Variants in ATAD3C observed in about 807,000 individuals in gnomAD.
ATAD3C encodes ATPase family AAA domain containing 3C.
In ATAD3C, 38 loss-of-function variants were observed where a neutral mutation model predicts 46.3. The ratio of observed to expected loss-of-function variants is 0.82; its 90% CI spans 0.63 to 1.08. The LOEUF (loss-of-function observed/expected upper bound fraction) is 1.08. ATAD3C is among the 50% of genes least tolerant of loss of function. The probability of loss-of-function intolerance (pLI) is 0.00; values close to 1 mark genes in which losing one functional copy is unlikely to be tolerated. For synonymous variants in ATAD3C, 220 were observed against 236.4 expected (o/e 0.93, Z 0.63); for missense variants, 563 against 572.7 (o/e 0.98, Z 0.17).
chr1:1,461,847 G>A (rs905439267), intron 10 of ATAD3C, among the ~76,000 whole-genome samples: 5 of 152,230 alleles, frequency 3.3e-5, no homozygotes, highest in East Asian at 1.9e-4. Flanking sequence ...CTGGAGCCTC[G>A]TGGTGTGGGG....
chr1:1,460,697 G>A, intron 9 of ATAD3C, 53 bp from the exon 10 acceptor site: 3 of 1,536,110 alleles, frequency 2.0e-6, no homozygotes, highest in Non-Finnish European at 2.6e-6. Context: ...TGTTCCCCTG[G>A]GGACAGCTCG....
At position 1,454,439 on chromosome 1, in the gene ATAD3C, C is replaced by T. The variant is rs768838472; in HGVS notation, c.317C>T (p.Pro106Leu). The T allele has an allele frequency of 3.5e-5, 56 of 1,609,278 alleles. 1 individual carries two copies. Among genetic ancestry groups the T allele is most frequent in the East Asian group, 4.5e-5 (2 of 44,760 alleles). The change falls in exon 4 of 12, where the codon CCG becomes CTG. Residue 106 changes from proline to leucine, a missense_variant. Coordinates refer to ENST00000378785, the MANE Select transcript of ATAD3C (RefSeq NM_001039211.3). ...TACATCGAGGCTCGGCTGGGGAAGC[C>T]GTCCCTAGTGAGGGAGACGTCCCGC... is the stretch of plus-strand genomic sequence containing the variant. ...GRYIEARLGKPSLVRETSRIT... is the reference protein window; with the variant it reads ...GRYIEARLGKLSLVRETSRIT...
intron 3 of ATAD3C, 72 bp from the exon 4 acceptor site, chr1:1,454,273 C>G: frequency 1.3e-6 from 2 of 1,519,114 alleles, no homozygotes. Flanking sequence ...GTGGGGGCAG[C>G]CCCGTGCGTC....
At position 1,450,889 on chromosome 1, in the gene ATAD3C, T is replaced by G. The variant is rs1638847714; in HGVS notation, c.75+131T>G. 2.9e-6 allele frequency: 4 copies of G among 1,401,330 alleles called. No individual in the cohort carries two copies. In the Admixed American group the frequency reaches 8.3e-5, roughly 29 times the overall value. The allele number at this position is 1,401,330 out of a possible 1,614,324, so 86.8% of individuals were successfully genotyped here. On this transcript the variant is annotated intron_variant, in intron 1 of 11. Coordinates refer to ENST00000378785, the MANE Select transcript of ATAD3C (RefSeq NM_001039211.3). ...GCAGCAGTGGGGCCCAGGGCCAAGC[T>G]TGGGCGCCTCATTTCACAGAAGGAA... is the stretch of plus-strand genomic sequence containing the variant.
chr1:1,468,349 TGGC>T (rs1639178376), intron 11 of ATAD3C, 32 bp from the exon 12 acceptor site: 1 of 1,577,284 alleles, frequency 6.3e-7, no homozygotes, highest in Non-Finnish European at 8.6e-7. Context: ...GGGGTTCCCA[TGGC>T]GGCCTCCCTC....
intron 9 of ATAD3C, 56 bp from the exon 10 acceptor site, chr1:1,460,694 C>T: frequency 6.5e-7 from 1 of 1,532,558 alleles, no homozygotes; most frequent in Non-Finnish European, 8.8e-7. Context: ...ACCTGTTCCC[C>T]TGGGGACAGC....
chr1:1,452,246 A>G, intron 2 of ATAD3C, 119 bp from the exon 3 acceptor site: 3 of 1,583,090 alleles, frequency 1.9e-6, no homozygotes, highest in South Asian at 1.1e-5. Context: ...TGGTGGGGAC[A>G]CTGCCCCCCT....
At position 1,468,244 on chromosome 1, in the gene ATAD3C, G is replaced by C. The variant is rs1166226865; in HGVS notation, c.1090-140G>C. The C allele has an allele frequency of 5.1e-6, 7 of 1,372,692 alleles. 1 individual carries two copies. The highest frequency in any genetic ancestry group is 6.0e-5 in the Admixed American group (2 of 33,582). The allele number at this position is 1,372,692 out of a possible 1,614,324, so 85.0% of individuals were successfully genotyped here. Reference sequence around the variant, plus strand: ...GTCCACACACGTGCTGGGCTCTGCCGAGGTGCGGGTAGCCTGTGTTTCACG... The same window carrying C: ...GTCCACACACGTGCTGGGCTCTGCCCAGGTGCGGGTAGCCTGTGTTTCACG... On this transcript the variant is annotated intron_variant, in intron 11 of 11. Coordinates refer to ENST00000378785, the MANE Select transcript of ATAD3C (RefSeq NM_001039211.3).
intron 11 of ATAD3C, among the ~76,000 whole-genome samples, chr1:1,463,005 C>T (rs1639093938): frequency 6.6e-6 from 1 of 152,110 alleles, no homozygotes; most frequent in Non-Finnish European, 1.5e-5. Context: ...TTCTGATGCT[C>T]ACCTTGGCAG....
Position 1,462,498 on chromosome 1 carries a change from G to A in ATAD3C, c.981-102G>A, listed in dbSNP as rs562106578. On this transcript the variant is annotated intron_variant, in intron 10 of 11. Coordinates refer to ENST00000378785, the MANE Select transcript of ATAD3C (RefSeq NM_001039211.3). The surrounding 1 kb of genome is among the most constrained non-coding windows in gnomAD (Gnocchi z 4.5). ...CAGGTAGAGAGTCCCTCTCAAGGGGGCATCTGGCATGGGTGTCCGCCTGGC... is the reference window on the plus strand; with the variant it reads ...CAGGTAGAGAGTCCCTCTCAAGGGGACATCTGGCATGGGTGTCCGCCTGGC... 96 of 1,189,280 alleles carry A rather than the reference G, an allele frequency of 8.1e-5. 1 individual carries two copies. In the South Asian group the frequency reaches 1.2e-3, roughly 15 times the overall value. 73.7% of individuals were successfully genotyped at this position (1,189,280 alleles called of 1,614,324 possible).
Position 1,459,324 on chromosome 1 carries a change from C to A in ATAD3C, c.812+93C>A, listed in dbSNP as rs1570152524. On this transcript the variant is annotated intron_variant, in intron 9 of 11. Coordinates refer to ENST00000378785, the MANE Select transcript of ATAD3C (RefSeq NM_001039211.3). The surrounding 1 kb of genome is among the most constrained non-coding windows in gnomAD (Gnocchi z 4.9). Reference sequence around the variant, plus strand: ...GAGGGACCTGAGGGGCCCTGGCTCACAGTGCTGGGCAGCTGCCGTGGCCTC... The same window carrying A: ...GAGGGACCTGAGGGGCCCTGGCTCAAAGTGCTGGGCAGCTGCCGTGGCCTC... 2 of 1,581,136 alleles carry A rather than the reference C, an allele frequency of 1.3e-6. No homozygotes were observed. Among genetic ancestry groups the A allele is most frequent in the East Asian group, 4.6e-5 (2 of 43,572 alleles).
chr1:1,452,385 G>C lies in ATAD3C; in HGVS notation c.173G>C (p.Gly58Ala), dbSNP rs1638877452. Residue 58 changes from glycine (G) to alanine (A), a missense_variant, in exon 3 of 12, where the codon GGG (glycine) becomes GCG (alanine). Around this residue, in one of 3 missense-constraint regions of ATAD3C, gnomAD observed 263 missense variants for 243.1 expected, o/e 1.08. Transcript: ENST00000378785. Reference sequence around the variant, plus strand: ...CACAGGGCGGCTGGCACCTTGTTTGGGGAAGGATTCCGTGCCTTTGTGACA... The same window carrying C: ...CACAGGGCGGCTGGCACCTTGTTTGCGGAAGGATTCCGTGCCTTTGTGACA... The part of the protein sequence containing the change: ...ESIRAAGTLF[G>A]EGFRAFVTDR... 2.5e-6 allele frequency: 4 copies of C among 1,613,780 alleles called. No individual in the cohort carries two copies. In the East Asian group the frequency reaches 8.9e-5, roughly 36 times the overall value.
intron 5 of ATAD3C, 69 bp from the exon 6 acceptor site, chr1:1,455,722 C>A: frequency 6.3e-7 from 1 of 1,597,742 alleles, no homozygotes; most frequent in Non-Finnish European, 8.5e-7. Flanking sequence ...CAGGCATTCT[C>A]GCAGCCCCTG....
intron 11 of ATAD3C, among the ~76,000 whole-genome samples, chr1:1,463,568 T>A (rs1639103459): frequency 6.6e-6 from 1 of 151,964 alleles, no homozygotes; most frequent in African/African-American, 2.4e-5. Context: ...AGCTGAGGTC[T>A]CTGTTCCAGG....
At chr1:1,452,515 C>A (rs928208253) in intron 3 of ATAD3C, 81 bp downstream of exon 3, 5 of 1,602,638 alleles carry the variant, frequency 3.1e-6, no homozygotes, top group Non-Finnish European at 4.3e-6. Flanking sequence ...GGTCCTATCC[C>A]TGCTGGCTCT....
rs565251133 is a variant in ATAD3C, at chr1:1,460,372, C to T, written c.813-378C>T. On this transcript the variant is annotated intron_variant, in intron 9 of 11. Transcript: ENST00000378785. ...CTGGGATTATAGGCGTGAGCCACTG[C>T]GTCTGGCCAGCGTGGCCACAATCTT... Among the ~76,000 whole-genome samples, 90 of 152,188 alleles carry T rather than the reference C, an allele frequency of 5.9e-4. 2 individuals are homozygous for T. The highest frequency in any genetic ancestry group is 2.0e-3 in the African/African-American group (83 of 41,538).
chr1:1,457,701 A>G (rs1220575853), intron 8 of ATAD3C, among the ~76,000 whole-genome samples: 1 of 146,452 alleles, frequency 6.8e-6, no homozygotes, highest in East Asian at 2.2e-4. Flanking sequence ...TGTTTTTGAG[A>G]TGGTGTCTTG....
At chr1:1,451,977 C>T in intron 1 of ATAD3C, 69 bp from the exon 2 acceptor site, 2 of 1,590,408 alleles carry the variant, frequency 1.3e-6, no homozygotes, top group Admixed American at 1.8e-5. Flanking sequence ...GCGGACGCAA[C>T]CTCTGGATTG....
rs1639088358 is a variant in ATAD3C, at chr1:1,462,664, G to C, written c.1045G>C (p.Gly349Arg). 1 of 1,607,160 alleles carries C rather than the reference G, an allele frequency of 6.2e-7. No individual in the cohort carries two copies. Residue 349 changes from glycine (G) to arginine (R), a missense_variant, in exon 11 of 12, where the codon GGC becomes CGC. Gly to Arg is a moderately radical substitution (Grantham distance 125). Coordinates refer to ENST00000378785, the MANE Select transcript of ATAD3C (RefSeq NM_001039211.3). The surrounding 1 kb of genome is among the most constrained non-coding windows in gnomAD (Gnocchi z 4.5). Reference sequence around the variant, plus strand: ...CTTAGAGATCGCTCGGCTGACAGAGGGCATGTCATGCCGGAAGATCGCACA... The same window carrying C: ...CTTAGAGATCGCTCGGCTGACAGAGCGCATGTCATGCCGGAAGATCGCACA... The part of the protein sequence containing the change: ...KCLEIARLTE[G>R]MSCRKIAQLA...
Sources: gnomAD v4.1 joint callset for allele counts (sites outside exome capture counted in the v4.1 genomes callset) on GRCh38, gnomAD v4.1.1 for gene constraint, gnomAD v4.1.1 regional missense constraint, Gnocchi (gnomAD v3.1) non-coding constraint, MANE v1.5 for transcripts, NCBI Gene and HGNC (gene_info 2026-07-23, HGNC 2026-07-21) for gene names.